The following PHACTR3 variants were observed in gnomAD, a reference collection of about 807,000 sequenced individuals.
PHACTR3 encodes the protein phosphatase and actin regulator 3.
In PHACTR3, 16 loss-of-function variants were observed where a neutral mutation model predicts 66.8. The observed-to-expected ratio is 0.24, with a 90% CI of 0.16 to 0.36. The LOEUF is 0.36. PHACTR3 is among the 10% of genes least tolerant of loss of function. The probability of loss-of-function intolerance (pLI) is 1.00; values close to 1 mark genes in which losing one functional copy is unlikely to be tolerated. For missense variants in PHACTR3, 647 were observed against 719.9 expected (o/e 0.90, Z 1.16); for synonymous variants, 323 against 292.1 (o/e 1.11, Z -1.08).
intron 3 of PHACTR3, among the ~76,000 whole-genome samples, chr20:59,748,155 T>C (rs1329146058): frequency 1.3e-5 from 2 of 152,112 alleles, no homozygotes; most frequent in Non-Finnish European, 2.9e-5. Context: ...GTAGCAGTGG[T>C]TTTTTCAGCA....
In PHACTR3 at chr20:59,577,706, TC is replaced by T. The variant is rs1024444474; in HGVS notation, c.109+92del. On this transcript the variant is annotated intron_variant, in intron 1 of 12. Coordinates refer to the PHACTR3 transcript ENST00000359926. ...GCGCTGGGGGACGACTCCTCCTGAA[TC>T]CCTTGCCCTTGGCCGTTGCGGGTGG... 4 of 901,514 alleles carry T rather than the reference TC, an allele frequency of 4.4e-6. No individual in the cohort carries two copies. The African/African-American group carries it at 7.1e-5, about 16-fold the overall frequency. 55.8% of individuals were successfully genotyped at this position (901,514 alleles called of 1,614,324 possible). A position where few individuals can be genotyped will look rare whatever the true frequency, so the allele number is the denominator to read the frequency against.
chr20:59,605,389 G>A (rs2033623198), intron 1 of PHACTR3, among the ~76,000 whole-genome samples: 1 of 152,170 alleles, frequency 6.6e-6, no homozygotes, highest in Non-Finnish European at 1.5e-5. Context: ...GAGCTCTGCC[G>A]TCCCCTCGAA....
chr20:59,712,487 C>T (rs1422743243), intron 1 of PHACTR3, among the ~76,000 whole-genome samples: 4 of 152,140 alleles, frequency 2.6e-5, no homozygotes, highest in Non-Finnish European at 5.9e-5. Context: ...CTGTGGTCCC[C>T]TCCCAGCCAT....
chr20:59,840,491 T>C, intron 10 of PHACTR3, 61 bp downstream of exon 10: 2 of 1,601,648 alleles, frequency 1.2e-6, no homozygotes, highest in Non-Finnish European at 1.7e-6. Flanking sequence ...GCTGCTTCGG[T>C]AGCAGGTGGG....
chr20:59,823,164 C>T (rs1414098170), intron 8 of PHACTR3, among the ~76,000 whole-genome samples: 1 of 152,188 alleles, frequency 6.6e-6, no homozygotes, highest in East Asian at 1.9e-4. Flanking sequence ...GAAGAAGGGA[C>T]TTATATACAT....
intron 8 of PHACTR3, among the ~76,000 whole-genome samples, chr20:59,831,681 G>A (rs541358892): frequency 1.2e-4 from 18 of 152,122 alleles, no homozygotes; most frequent in East Asian, 3.9e-4. Flanking sequence ...GCTATGCTCC[G>A]GCCACGTCTC....
In PHACTR3 at chr20:59,609,861, T is replaced by G. The variant is rs186200333; in HGVS notation, c.118+4729T>G. The stretch of plus-strand genomic sequence containing the variant: ...AGCTTCTTCAGGGTTATTAAAAACA[T>G]AAAAGCTAGATGCTTAAAAAATACT... On this transcript the variant is annotated intron_variant, in intron 1 of 12. Coordinates refer to ENST00000371015, the MANE Select transcript of PHACTR3 (RefSeq NM_080672.5). 4.2e-3 allele frequency among the ~76,000 whole-genome samples: 635 copies of G among 152,348 alleles called. 4 individuals carry two copies. Among genetic ancestry groups the G allele is most frequent in the Middle Eastern group, 0.02 (6 of 294 alleles).
At chr20:59,619,056 C>T (rs2034140377) in intron 1 of PHACTR3, among the ~76,000 whole-genome samples, 1 of 152,190 alleles carries the variant, frequency 6.6e-6, no homozygotes, top group East Asian at 1.9e-4. Flanking sequence ...ATGCTCACTA[C>T]CTCCTGTGTG....
intron 1 of PHACTR3, among the ~76,000 whole-genome samples, chr20:59,597,249 TA>T (rs764991969): frequency 2.0e-4 from 31 of 152,382 alleles, no homozygotes; most frequent in Admixed American, 9.1e-4. Context: ...CACAAGATTA[TA>T]AATCAATGCA....
intron 7 of PHACTR3, among the ~76,000 whole-genome samples, chr20:59,801,834 A>G (rs557053897): frequency 2.0e-4 from 30 of 152,350 alleles, no homozygotes; most frequent in African/African-American, 7.2e-4. Context: ...CACAAATAGA[A>G]ACACACATAA....
At chr20:59,835,426 C>T (rs1342318978) in intron 8 of PHACTR3, among the ~76,000 whole-genome samples, 1 of 152,128 alleles carries the variant, frequency 6.6e-6, no homozygotes, top group Non-Finnish European at 1.5e-5. Context: ...CCGCAATGCC[C>T]TAGGCTTTCT....
intron 6 of PHACTR3, 35 bp from the exon 7 acceptor site, chr20:59,774,208 G>T (rs772789772): frequency 1.3e-6 from 2 of 1,531,798 alleles, no homozygotes; most frequent in Non-Finnish European, 1.7e-6. Context: ...GGGTGAAGGG[G>T]GTGACCTATA....
At chr20:59,585,750 C>G (rs141163662) in intron 1 of PHACTR3, among the ~76,000 whole-genome samples, 1 of 152,312 alleles carries the variant, frequency 6.6e-6, no homozygotes, top group South Asian at 2.1e-4. Context: ...TCTCCTCACC[C>G]GCGTGCAGAG....
At chr20:59,674,971 C>G (rs1568698379) in intron 1 of PHACTR3, among the ~76,000 whole-genome samples, 1 of 46,790 alleles carries the variant, frequency 2.1e-5, no homozygotes, top group Non-Finnish European at 4.2e-5. Context: ...CCTGTTCCTC[C>G]CCTTCTGTTC....
intron 1 of PHACTR3, among the ~76,000 whole-genome samples, chr20:59,735,434 G>A (rs867632467): frequency 2.8e-4 from 43 of 152,146 alleles, no homozygotes; most frequent in African/African-American, 1.0e-3. Flanking sequence ...AATCAGCCAT[G>A]TAGCACATGG....
chr20:59,812,166 T>C (rs561976202), intron 8 of PHACTR3, among the ~76,000 whole-genome samples: 1 of 152,274 alleles, frequency 6.6e-6, no homozygotes, highest in Admixed American at 6.5e-5. Flanking sequence ...TTCGTGACTG[T>C]TGTGTAATTT....
intron 1 of PHACTR3, among the ~76,000 whole-genome samples, chr20:59,634,302 G>T (rs2034773131): frequency 6.6e-6 from 1 of 152,204 alleles, no homozygotes; most frequent in Non-Finnish European, 1.5e-5. Flanking sequence ...CACTTAGGTT[G>T]GTTACATCAC....
At position 59,801,840 on chromosome 20, in the gene PHACTR3, C is replaced by T. The variant is rs79500320; in HGVS notation, c.1175-4201C>T. Among the ~76,000 whole-genome samples, 111 of 152,348 alleles carry T rather than the reference C, an allele frequency of 7.3e-4. 2 individuals carry two copies. In the East Asian group the frequency reaches 0.013, roughly 19 times the overall value. ...GTGACAGTGCACAAATAGAAACACACATAATGTGCTTGAGAACATGATAAA... is the reference window on the plus strand; with the variant it reads ...GTGACAGTGCACAAATAGAAACACATATAATGTGCTTGAGAACATGATAAA... On this transcript the variant is annotated intron_variant, in intron 7 of 12. Transcript: ENST00000371015.
chr20:59,655,462 C>T (rs2035587230), intron 1 of PHACTR3, among the ~76,000 whole-genome samples: 1 of 151,742 alleles, frequency 6.6e-6, no homozygotes, highest in Non-Finnish European at 1.5e-5. Context: ...TTATAGTATT[C>T]CCTTATAATT....
Sources: gnomAD v4.1 joint callset for allele counts (sites outside exome capture counted in the v4.1 genomes callset) on GRCh38, gnomAD v4.1.1 for gene constraint, MANE v1.5 for transcripts, NCBI Gene and HGNC (gene_info 2026-07-23, HGNC 2026-07-21) for gene names.